The following VPS13B variants were observed in gnomAD, a reference collection of about 807,000 sequenced individuals.
VPS13B encodes the protein vacuolar protein sorting 13 homolog B.
In VPS13B, 285 loss-of-function variants were observed where a neutral mutation model predicts 426.4. That is an observed-to-expected ratio of 0.67 (90% CI 0.61 to 0.74). The LOEUF (loss-of-function observed/expected upper bound fraction) is 0.74, where lower values mean the gene tolerates loss of function less well. Among genes scored for constraint, VPS13B ranks in the 30% least tolerant of loss-of-function variants. VPS13B has a pLI of 0.00. For missense variants in VPS13B, 4,537 were observed against 4,782.6 expected, an observed-to-expected ratio of 0.95 and a Z score of 1.51; for synonymous variants, 1,676 against 1,676.4, an observed-to-expected ratio of 1.00 and a Z score of 0.01.
At chr8:99,336,808 A>G (rs896291688) in intron 19 of VPS13B, among the ~76,000 whole-genome samples, 10 of 152,206 alleles carry the variant, frequency 6.6e-5, no homozygotes, top group African/African-American at 1.4e-4. Flanking sequence ...CAAAACCACA[A>G]TGAGATACCA....
intron 19 of VPS13B, among the ~76,000 whole-genome samples, chr8:99,383,637 G>A (rs998141801): frequency 6.6e-6 from 1 of 152,020 alleles, no homozygotes; most frequent in East Asian, 1.9e-4. Flanking sequence ...CCTCTCACAG[G>A]CCCTGGTAAC....
chr8:99,233,416 A>G, intron 17 of VPS13B: 2 of 1,222,628 alleles, frequency 1.6e-6, no homozygotes, highest in Non-Finnish European at 2.4e-6. Context: ...GAGTCTTGCC[A>G]GCTGTTTGAT....
intron 29 of VPS13B, among the ~76,000 whole-genome samples, chr8:99,518,032 T>C: frequency 6.6e-6 from 1 of 152,316 alleles, no homozygotes; most frequent in Non-Finnish European, 1.5e-5. Context: ...CTCTTTTTTT[T>C]AATTATAACT....
At chr8:99,541,886 A>G (rs1823641654) in intron 30 of VPS13B, among the ~76,000 whole-genome samples, 1 of 152,206 alleles carries the variant, frequency 6.6e-6, no homozygotes. Context: ...TATGTTAAAC[A>G]TAATTATTGC....
Position 99,051,345 on chromosome 8 carries a change from T to C in VPS13B, c.291+12779T>C, listed in dbSNP as rs541459971. Among the ~76,000 whole-genome samples, 12 of 152,284 alleles carry C rather than the reference T, an allele frequency of 7.9e-5. No homozygotes were observed. In the South Asian group the frequency reaches 2.3e-3, roughly 29 times the overall value. ...GTCAAAGGTCAGATGATTGTAGATA[T>C]GCGGCATTATTTCTGAGGGCTCTGT... On this transcript the variant is annotated intron_variant, in intron 3 of 61. Transcript: ENST00000357162.
chr8:99,131,574 T>A (rs190034575), intron 8 of VPS13B, among the ~76,000 whole-genome samples: 2 of 151,982 alleles, frequency 1.3e-5, no homozygotes, highest in Non-Finnish European at 2.9e-5. Context: ...CATAAAAAAT[T>A]ATGTTTGCAC....
At chr8:99,854,984 G>A (rs955623730) in intron 56 of VPS13B, among the ~76,000 whole-genome samples, 4 of 152,154 alleles carry the variant, frequency 2.6e-5, no homozygotes, top group Admixed American at 2.6e-4. Context: ...GGACTCAGTG[G>A]GAAAAGTAAG....
rs2130942219 is a variant in VPS13B, at chr8:99,861,937, A to T, written c.11206A>T (p.Ser3736Cys). 2 of 1,592,678 alleles carry T rather than the reference A, an allele frequency of 1.3e-6. No homozygotes were observed. The highest frequency in any genetic ancestry group is 1.1e-5 in the South Asian group (1 of 87,608). The stretch of plus-strand genomic sequence containing the variant: ...ACAGGGCCTGTCCCGGCTGGGCATC[A>T]GCCTGCTTGGTAAGGGGCTGCGGGG... ...LRQGLSRLGI[S>C]LLGAIAGIVD... is the part of the protein sequence containing the mutation. The change falls in exon 58 of 62, where the codon AGC becomes TGC. Residue 3736 changes from serine (S) to cysteine (C), a missense_variant. Coordinates refer to ENST00000357162, the MANE Select transcript of VPS13B (RefSeq NM_152564.5).
In VPS13B at chr8:99,371,172, G is replaced by A. The variant is rs1813158403; in HGVS notation, c.2825-13036G>A. 2.6e-5 allele frequency among the ~76,000 whole-genome samples: 4 copies of A among 152,122 alleles called. No individual in the cohort carries two copies. In the South Asian group the frequency reaches 8.3e-4, roughly 32 times the overall value. ...ATCTTTAAAAGACTACTACCATTTT[G>A]TTACATGGCTAACACCACAGTTTGT... is the stretch of plus-strand genomic sequence containing the variant. On this transcript the variant is annotated intron_variant, in intron 19 of 61. Coordinates refer to ENST00000357162, the MANE Select transcript of VPS13B (RefSeq NM_152564.5).
intron 33 of VPS13B, among the ~76,000 whole-genome samples, chr8:99,604,601 G>A (rs1000737003): frequency 8.2e-5 from 12 of 146,706 alleles, no homozygotes; most frequent in Non-Finnish European, 1.5e-4. Flanking sequence ...CCGGGTTCAC[G>A]CCATTCTCCT....
In VPS13B at chr8:99,376,331, C is replaced by A. The variant is rs2133274461; in HGVS notation, c.2825-7877C>A. Among the ~76,000 whole-genome samples, 4 of 152,274 alleles carry A rather than the reference C, an allele frequency of 2.6e-5. No homozygotes were observed. The South Asian group carries it at 8.3e-4, about 32-fold the overall frequency. ...TGTGAATTGAGTATATGATGAAAAT[C>A]TCTCTCTAAATTAAAGAGAACATTA... On this transcript the variant is annotated intron_variant, in intron 19 of 61. Transcript: ENST00000357162.
chr8:99,535,940 T>G (rs1823188742), intron 30 of VPS13B, among the ~76,000 whole-genome samples: 1 of 151,942 alleles, frequency 6.6e-6, no homozygotes, highest in African/African-American at 2.4e-5. Context: ...TATAAATGAT[T>G]TTAATCCAAA....
intron 19 of VPS13B, among the ~76,000 whole-genome samples, chr8:99,373,486 C>T (rs1029560922): frequency 3.2e-4 from 49 of 152,034 alleles, no homozygotes; most frequent in African/African-American, 1.2e-3. Flanking sequence ...TTGAGGTTAC[C>T]ATTACATCTT....
intron 35 of VPS13B, among the ~76,000 whole-genome samples, chr8:99,664,668 T>C (rs1830395921): frequency 6.6e-6 from 1 of 152,210 alleles, no homozygotes; most frequent in African/African-American, 2.4e-5. Context: ...TATGGCTGCA[T>C]AGTATTCCAT....
At position 99,703,095 on chromosome 8, in the gene VPS13B, C is replaced by T. The variant is rs138792621; in HGVS notation, c.6454+3163C>T. Among the ~76,000 whole-genome samples the T allele has an allele frequency of 1.8e-3, 277 of 152,250 alleles. 2 individuals are homozygous for T. Among genetic ancestry groups the T allele is most frequent in the African/African-American group, 5.7e-3 (236 of 41,574 alleles). On this transcript the variant is annotated intron_variant, in intron 36 of 61. Transcript: ENST00000357162. The stretch of plus-strand genomic sequence containing the variant: ...AAGTTAATTTTCTCCCCCGGGCATT[C>T]CGAATACATTTAAATCTGTGCTTTC...
At chr8:99,417,139 G>A (rs187161312) in intron 21 of VPS13B, among the ~76,000 whole-genome samples, 20 of 151,952 alleles carry the variant, frequency 1.3e-4, no homozygotes, top group East Asian at 3.9e-4. Flanking sequence ...CCAAAAAAGC[G>A]TAGATGTGAA....
chr8:99,258,273 T>G lies in VPS13B; in HGVS notation c.2516-15925T>G, dbSNP rs1034544562. 2.2e-4 allele frequency among the ~76,000 whole-genome samples: 34 copies of G among 151,750 alleles called. 1 individual carries two copies. The highest frequency in any genetic ancestry group is 6.0e-4 in the African/African-American group (25 of 41,448). On this transcript the variant is annotated intron_variant, in intron 17 of 61. Coordinates refer to ENST00000357162, the MANE Select transcript of VPS13B (RefSeq NM_152564.5). Reference sequence around the variant, plus strand: ...ACTAATATGAGAAGCAGGCATTTTGTTTTTTTTCTCAAGTTATTATTTTCA... The same window carrying G: ...ACTAATATGAGAAGCAGGCATTTTGGTTTTTTTCTCAAGTTATTATTTTCA...
Position 99,661,502 on chromosome 8 carries a change from C to A in VPS13B, c.6046+11C>A, listed in dbSNP as rs1563850004. The A allele has an allele frequency of 6.2e-7, 1 of 1,611,556 alleles. No individual in the cohort carries two copies. Among genetic ancestry groups the A allele is most frequent in the South Asian group, 1.1e-5 (1 of 90,974 alleles). ...TTCTGAATGGACCAGGTAAGAAAGT[C>A]ATAAAATTTACATGTGTGTACATTT... On this transcript the variant is annotated intron_variant, in intron 35 of 61. Coordinates refer to ENST00000357162, the MANE Select transcript of VPS13B (RefSeq NM_152564.5).
chr8:99,303,750 A>AAAAAAAAAAAAAAAAAAAC, intron 19 of VPS13B, among the ~76,000 whole-genome samples: 1 of 150,982 alleles, frequency 6.6e-6, no homozygotes, highest in African/African-American at 2.4e-5. Flanking sequence ...AAAAAAAAAA[A>AAAAAAAAAAAAAAAAAAAC]AGAATATATG....
Sources: allele counts gnomAD v4.1 joint callset (sites outside exome capture counted in the v4.1 genomes callset), GRCh38; gene constraint gnomAD v4.1.1; transcripts MANE v1.5; gene names NCBI Gene and HGNC (gene_info 2026-07-23, HGNC 2026-07-21).